The following BHMT2 variants were observed in gnomAD, a reference collection of about 807,000 sequenced individuals.
BHMT2 encodes betaine--homocysteine S-methyltransferase 2.
A neutral mutation model predicts 39.0 loss-of-function variants in BHMT2; 28 were observed. The observed-to-expected ratio is 0.72, with a 90% CI of 0.53 to 0.98. The LOEUF (loss-of-function observed/expected upper bound fraction) is 0.98. Ranked by LOEUF, BHMT2 falls within the 50% of genes least tolerant of loss-of-function variation. BHMT2 has a pLI of 0.00. For synonymous variants in BHMT2, 145 were observed against 160.6 expected (o/e 0.90, Z 0.74); for missense variants, 410 against 455.6 (o/e 0.90, Z 0.91).
At chr5:79,082,783 A>G (rs932962879) in intron 4 of BHMT2, 26 bp from the exon 5 acceptor site, 1 of 1,611,458 alleles carries the variant, frequency 6.2e-7, no homozygotes, top group South Asian at 1.1e-5. Context: ...TGTTTGGACC[A>G]GTAGAAAAAG....
chr5:79,087,014 G>GTGCATATA (rs1329456863), intron 7 of BHMT2, among the ~76,000 whole-genome samples: 2 of 118,322 alleles, frequency 1.7e-5, no homozygotes, highest in African/African-American at 6.4e-5. Context: ...GTGTGTGTGT[G>GTGCATATA]TATATATATA....
rs1369944671 is a variant in BHMT2 at position 79,079,355 on chromosome 5, C to G, written c.167-14C>G. 2 of 1,574,442 alleles carry G rather than the reference C, an allele frequency of 1.3e-6. No homozygotes were observed. Among genetic ancestry groups the G allele is most frequent in the Non-Finnish European group, 1.7e-6 (2 of 1,147,428 alleles). ...TTCATTTATTTCAATGTTTAAAACC[C>G]AACTACTTTGTAGTTCGTCAACTTC... is the stretch of plus-strand genomic sequence containing the variant. On this transcript the variant is annotated splice_polypyrimidine_tract_variant and intron_variant, in intron 2 of 7. Coordinates refer to ENST00000255192, the MANE Select transcript of BHMT2 (RefSeq NM_017614.5).
At chr5:79,081,686 C>A (rs946629258) in intron 4 of BHMT2, among the ~76,000 whole-genome samples, 5 of 152,146 alleles carry the variant, frequency 3.3e-5, no homozygotes, top group Non-Finnish European at 7.3e-5. Flanking sequence ...AAGGTGAAAG[C>A]CCATCTCTAC....
chr5:79,069,990 C>T (rs1460026560), intron 1 of BHMT2, among the ~76,000 whole-genome samples, 175 bp downstream of exon 1: 1 of 152,186 alleles, frequency 6.6e-6, no homozygotes, highest in Non-Finnish European at 1.5e-5. Context: ...TTTATGGAGC[C>T]CTTACTCGGT....
rs933635177 is a variant in BHMT2 at position 79,080,593 on chromosome 5, T to G, written c.259-94T>G. The G allele has an allele frequency of 4.3e-6, 5 of 1,155,340 alleles. No homozygotes were observed. In the African/African-American group the frequency reaches 7.9e-5, roughly 18 times the overall value. 71.6% of individuals were successfully genotyped at this position (1,155,340 alleles called of 1,614,324 possible). A position where few individuals can be genotyped will look rare whatever the true frequency, so the allele number is the denominator to read the frequency against. On this transcript the variant is annotated intron_variant, in intron 3 of 7. Transcript: ENST00000255192. ...TTGCATTGAAGAGAGTGGCTTATAC[T>G]CATCTTACTTGTTTATTGTCCCTTT...
chr5:79,083,595 G>A (rs762887597), intron 6 of BHMT2, 33 bp from the exon 7 acceptor site: 1 of 1,607,952 alleles, frequency 6.2e-7, no homozygotes, highest in East Asian at 2.2e-5. Flanking sequence ...AATGAGAACA[G>A]TAACAGAAAT....
chr5:79,083,078 C>A, intron 5 of BHMT2, 114 bp from the exon 6 acceptor site: 1 of 1,568,954 alleles, frequency 6.4e-7, no homozygotes, highest in Non-Finnish European at 8.7e-7. Context: ...GTTTTCTTAT[C>A]TGTAAATTGT....
Position 79,084,265 on chromosome 5 carries a change from T to TTTTG in BHMT2, c.1010+433_1010+436dup, listed in dbSNP as rs545194685. On this transcript the variant is annotated intron_variant, in intron 7 of 7. Transcript: ENST00000255192. ...ACAGCTCCCTGGGGCCTCTTGTCTT[T>TTTTG]TTTGTTTGTTTGTTTGTTTGTTTGT... is the stretch of plus-strand genomic sequence containing the variant. Among the ~76,000 whole-genome samples, 1,197 of 149,518 alleles carry TTTTG rather than the reference T, an allele frequency of 8.0e-3. 14 individuals carry two copies. The highest frequency in any genetic ancestry group is 0.024 in the African/African-American group (948 of 39,080).
intron 1 of BHMT2, among the ~76,000 whole-genome samples, chr5:79,076,312 C>A (rs1411422752): frequency 6.6e-6 from 1 of 152,124 alleles, no homozygotes; most frequent in East Asian, 1.9e-4. Context: ...TTCCTCTCAA[C>A]GTCCAGCTGC....
Position 79,082,924 on chromosome 5 carries a change from C to T in BHMT2, c.566C>T (p.Pro189Leu), listed in dbSNP as rs749129749. ...GAGGGAGACATGCATGATATAACCCCCGGAGAATGTGCTGTGAGGCTGGTG... is the reference window on the plus strand; with the variant it reads ...GAGGGAGACATGCATGATATAACCCTCGGAGAATGTGCTGTGAGGCTGGTG... ...GPEGDMHDITPGECAVRLVKA... is the reference protein window; with the variant it reads ...GPEGDMHDITLGECAVRLVKA... Residue 189 changes from proline to leucine, a missense_variant, in exon 5 of 8, where the codon CCC becomes CTC. Physicochemically the swap from Pro to Leu is moderately conservative, Grantham distance 98. Coordinates refer to ENST00000255192, the MANE Select transcript of BHMT2 (RefSeq NM_017614.5). The T allele has an allele frequency of 6.8e-6, 11 of 1,613,982 alleles. No individual in the cohort carries two copies. The highest frequency in any genetic ancestry group is 9.3e-6 in the Non-Finnish European group (11 of 1,180,026).
chr5:79,083,314 G>C lies in BHMT2; in HGVS notation c.721G>C (p.Gly241Arg), dbSNP rs1755828204. ...AGCGCACCTCATGGTGCAGCCTCTGGGGTTCCACGCGCCTGACTGTGGCAA... is the reference window on the plus strand; with the variant it reads ...AGCGCACCTCATGGTGCAGCCTCTGCGGTTCCACGCGCCTGACTGTGGCAA... ...LKAHLMVQPL[G>R]FHAPDCGKEG... The change falls in exon 6 of 8, where the codon GGG becomes CGG. Residue 241 changes from glycine to arginine, a missense_variant. Transcript: ENST00000255192. 6.2e-7 allele frequency: 1 copy of C among 1,612,652 alleles called. No homozygotes were observed.
intron 2 of BHMT2, 99 bp downstream of exon 2, chr5:79,077,711 G>T (rs1409413121): frequency 6.9e-7 from 1 of 1,440,258 alleles, no homozygotes; most frequent in Non-Finnish European, 9.4e-7. Context: ...TTTCAAAGGG[G>T]TGTTTTGCTT....
At chr5:79,075,663 T>C (rs1191205975) in intron 1 of BHMT2, among the ~76,000 whole-genome samples, 1 of 152,134 alleles carries the variant, frequency 6.6e-6, no homozygotes, top group African/African-American at 2.4e-5. Context: ...GTGGGTGGTT[T>C]GCATTGCTCA....
chr5:79,072,229 T>C (rs1480308578), intron 1 of BHMT2, among the ~76,000 whole-genome samples: 1 of 151,042 alleles, frequency 6.6e-6, no homozygotes, highest in African/African-American at 2.4e-5. Context: ...ATCGCGCTAC[T>C]GCACTCCAGC....
At chr5:79,077,899 C>T (rs1755706027) in intron 2 of BHMT2, 2 of 241,104 alleles carry the variant, frequency 8.3e-6, no homozygotes, top group Admixed American at 5.0e-5. Flanking sequence ...CCCACATCCA[C>T]ACACACCCCA....
At chr5:79,081,065 A>G (rs1410263856) in intron 4 of BHMT2, 187 bp downstream of exon 4, 1 of 553,084 alleles carries the variant, frequency 1.8e-6, no homozygotes, top group African/African-American at 2.0e-5. Flanking sequence ...GTTCTCTTAG[A>G]GCCAAAGGAC....
At position 79,088,249 on chromosome 5, in the gene BHMT2, T is replaced by C. The variant is rs149067132; in HGVS notation, c.1011-244T>C. On this transcript the variant is annotated intron_variant, in intron 7 of 7. Transcript: ENST00000255192. ...AAGGTGGTATGAAACCTAATGATTG[T>C]TATTGAAATGTAAGAAAGGCCCCTG... is the stretch of plus-strand genomic sequence containing the variant. 2.5e-4 allele frequency among the ~76,000 whole-genome samples: 38 copies of C among 152,274 alleles called. No homozygotes were observed. The South Asian group carries it at 6.2e-3, about 25-fold the overall frequency.
intron 7 of BHMT2, among the ~76,000 whole-genome samples, chr5:79,087,248 A>G (rs1273170848): frequency 6.6e-6 from 1 of 151,834 alleles, no homozygotes; most frequent in African/African-American, 2.4e-5. Flanking sequence ...TTGTAAAAGT[A>G]GGCAAGAATC....
intron 7 of BHMT2, among the ~76,000 whole-genome samples, chr5:79,086,676 G>C (rs574137832): frequency 6.6e-6 from 1 of 152,066 alleles, no homozygotes; most frequent in Non-Finnish European, 1.5e-5. Flanking sequence ...CATTCCCGTG[G>C]ATATATTGTC....
Sources: gnomAD v4.1 joint callset for allele counts (sites outside exome capture counted in the v4.1 genomes callset) on GRCh38, gnomAD v4.1.1 for gene constraint, MANE v1.5 for transcripts, NCBI Gene and HGNC (gene_info 2026-07-23, HGNC 2026-07-21) for gene names.